The following NKAIN3 variants were observed in gnomAD, a reference collection of about 807,000 sequenced individuals.
The protein encoded by NKAIN3 is sodium/potassium transporting ATPase interacting 3, also known as sodium/potassium-transporting ATPase subunit beta-1-interacting protein 3.
A neutral mutation model predicts 30.2 loss-of-function variants in NKAIN3; 25 were observed. That is an observed-to-expected ratio of 0.83 (90% CI 0.60 to 1.16). NKAIN3 has a LOEUF of 1.16. NKAIN3 is among the 50% of genes most tolerant of loss of function. The pLI, the probability that NKAIN3 is intolerant of heterozygous loss-of-function variation, is 0.00. For synonymous variants in NKAIN3, 91 were observed against 89.6 expected (o/e 1.02, Z -0.09); for missense variants, 225 against 254.1 (o/e 0.89, Z 0.78).
intron 1 of NKAIN3, among the ~76,000 whole-genome samples, chr8:62,315,860 C>T (rs1369892735): frequency 1.3e-5 from 2 of 152,162 alleles, no homozygotes; most frequent in Admixed American, 1.3e-4. Context: ...CTGCACAAAA[C>T]AATTTTCTTC....
At chr8:62,647,492 G>A (rs1812501053) in intron 3 of NKAIN3, among the ~76,000 whole-genome samples, 1 of 152,168 alleles carries the variant, frequency 6.6e-6, no homozygotes, top group Non-Finnish European at 1.5e-5. Flanking sequence ...AAATCTACAG[G>A]TGCGGTGTGG....
At chr8:62,518,494 G>A (rs907550608) in intron 1 of NKAIN3, among the ~76,000 whole-genome samples, 4 of 152,042 alleles carry the variant, frequency 2.6e-5, no homozygotes, top group African/African-American at 4.8e-5. Context: ...CTCCTCCTTG[G>A]GGTGTTGGAA....
At chr8:62,399,413 A>G (rs566741128) in intron 1 of NKAIN3, among the ~76,000 whole-genome samples, 2 of 152,090 alleles carry the variant, frequency 1.3e-5, no homozygotes, top group South Asian at 4.2e-4. Context: ...GGCTGAGGCA[A>G]GAGAGTTGCT....
chr8:62,803,467 A>G (rs1818149314), intron 4 of NKAIN3, among the ~76,000 whole-genome samples: 1 of 152,184 alleles, frequency 6.6e-6, no homozygotes, highest in South Asian at 2.1e-4. Flanking sequence ...AACTCACTCA[A>G]AACCGCTCAA....
intron 4 of NKAIN3, among the ~76,000 whole-genome samples, chr8:62,901,678 G>T (rs1275586959): frequency 6.6e-6 from 1 of 152,154 alleles, no homozygotes; most frequent in Non-Finnish European, 1.5e-5. Flanking sequence ...AGTTAGGAAG[G>T]CCATGAAACA....
At chr8:62,869,203 G>T (rs1256782758) in intron 4 of NKAIN3, among the ~76,000 whole-genome samples, 15 of 152,182 alleles carry the variant, frequency 9.9e-5, no homozygotes, top group Middle Eastern at 3.2e-3. Context: ...GTGCAGGTTT[G>T]TTATATAGGT....
chr8:62,810,879 G>A (rs962088437), intron 4 of NKAIN3, among the ~76,000 whole-genome samples: 2 of 151,936 alleles, frequency 1.3e-5, no homozygotes, highest in African/African-American at 2.4e-5. Context: ...AATTATAAAG[G>A]AAGAGCTTGT....
chr8:62,656,243 A>C (rs1233540615), intron 3 of NKAIN3, among the ~76,000 whole-genome samples: 1 of 152,168 alleles, frequency 6.6e-6, no homozygotes, highest in East Asian at 1.9e-4. Context: ...TCAACAACTT[A>C]TTCTCATCTC....
At chr8:62,888,200 TA>T (rs1232031319) in intron 4 of NKAIN3, among the ~76,000 whole-genome samples, 1 of 152,208 alleles carries the variant, frequency 6.6e-6, no homozygotes, top group Admixed American at 6.5e-5. Flanking sequence ...TAGGTTCTGA[TA>T]AAATCCTAAT....
chr8:62,775,026 C>T (rs1390794264), intron 4 of NKAIN3, among the ~76,000 whole-genome samples: 1 of 152,088 alleles, frequency 6.6e-6, no homozygotes, highest in East Asian at 1.9e-4. Flanking sequence ...GTGAAGCTAT[C>T]ACGTCCCAAG....
intron 1 of NKAIN3, among the ~76,000 whole-genome samples, chr8:62,310,368 A>G (rs1159700679): frequency 1.3e-5 from 2 of 150,674 alleles, no homozygotes. Context: ...ATAACTAAAG[A>G]CAGGAAAGGT....
chr8:62,832,285 A>G (rs1040870715), intron 4 of NKAIN3, among the ~76,000 whole-genome samples: 43 of 150,848 alleles, frequency 2.9e-4, no homozygotes, highest in Non-Finnish European at 5.7e-4. Flanking sequence ...ACACACACAC[A>G]CACACACACA....
chr8:62,912,207 A>T (rs1008501997), intron 4 of NKAIN3, among the ~76,000 whole-genome samples: 2 of 152,202 alleles, frequency 1.3e-5, no homozygotes, highest in Admixed American at 1.3e-4. Flanking sequence ...CAGTAAAAAT[A>T]TGGTATAACA....
intron 4 of NKAIN3, among the ~76,000 whole-genome samples, chr8:62,903,538 C>T (rs1036805536): frequency 6.6e-6 from 1 of 152,004 alleles, no homozygotes; most frequent in Non-Finnish European, 1.5e-5. Context: ...AAGGCCCTCT[C>T]GGGAGCCATA....
intron 3 of NKAIN3, among the ~76,000 whole-genome samples, chr8:62,670,662 G>C (rs1323352240): frequency 6.6e-6 from 1 of 152,078 alleles, no homozygotes; most frequent in Non-Finnish European, 1.5e-5. Context: ...GGCAGTTCAG[G>C]TGCTCACTAG....
Position 62,977,091 on chromosome 8 carries a change from C to A in NKAIN3, c.*11684C>A, listed in dbSNP as rs778786482. ...GGGCTTCCCTTTGTAGGTAACCCAA[C>A]TTTTCTCTCTGGCTGCCCTTAACAT... On this transcript the variant is annotated 3_prime_UTR_variant, in exon 7 of 7. Transcript: ENST00000623646. Among the ~76,000 whole-genome samples, 10 of 152,164 alleles carry A rather than the reference C, an allele frequency of 6.6e-5. No individual in the cohort carries two copies. The highest frequency in any genetic ancestry group is 1.2e-4 in the Non-Finnish European group (8 of 68,028).
chr8:62,913,329 A>T (rs760743770), intron 4 of NKAIN3, among the ~76,000 whole-genome samples: 1 of 152,228 alleles, frequency 6.6e-6, no homozygotes, highest in Non-Finnish European at 1.5e-5. Context: ...CAGCATTAGC[A>T]CAAATATGTG....
intron 4 of NKAIN3, among the ~76,000 whole-genome samples, chr8:62,776,519 G>A (rs1016635375): frequency 6.6e-6 from 1 of 151,930 alleles, no homozygotes; most frequent in Non-Finnish European, 1.5e-5. Flanking sequence ...TAAACTGATG[G>A]CCACTTAATA....
intron 1 of NKAIN3, among the ~76,000 whole-genome samples, chr8:62,357,646 A>G (rs1816402273): frequency 6.6e-6 from 1 of 152,128 alleles, no homozygotes. Flanking sequence ...CAAGCCCATA[A>G]AATAAAGCCC....
Sources: allele counts gnomAD v4.1 joint callset (sites outside exome capture counted in the v4.1 genomes callset), GRCh38; gene constraint gnomAD v4.1.1; transcripts MANE v1.5; gene names NCBI Gene and HGNC (gene_info 2026-07-23, HGNC 2026-07-21).